The following NAA25 variants were observed in gnomAD, a reference collection of about 807,000 sequenced individuals.
NAA25 encodes the protein N-terminal acetyltransferase B complex subunit NAA25.
In NAA25, 30 loss-of-function variants were observed where a neutral mutation model predicts 132.5. The observed-to-expected ratio is 0.23, with a 90% CI of 0.17 to 0.31. The LOEUF (loss-of-function observed/expected upper bound fraction) is 0.31. NAA25 is among the 10% of genes least tolerant of loss of function. The probability of loss-of-function intolerance (pLI) is 1.00; values close to 1 mark genes in which losing one functional copy is unlikely to be tolerated. For synonymous variants in NAA25, 359 were observed against 401.9 expected (o/e 0.89, Z 1.28); for missense variants, 771 against 1,150.4 (o/e 0.67, Z 4.77).
At chr12:112,061,833 A>G (rs1238370628) in intron 11 of NAA25, among the ~76,000 whole-genome samples, 5 of 152,194 alleles carry the variant, frequency 3.3e-5, no homozygotes, top group Admixed American at 6.5e-5. Flanking sequence ...ACATGGAAAG[A>G]TACTGTTTAC....
In NAA25 at chr12:112,028,095, A is replaced by G. The variant is rs1172331054; in HGVS notation, c.*1436T>C. On this transcript the variant is annotated 3_prime_UTR_variant, in exon 24 of 24. Coordinates refer to ENST00000261745, the MANE Select transcript of NAA25 (RefSeq NM_024953.4). Reference sequence around the variant, plus strand: ...GGGACAAAATGCAATTACTTTGCGTACACAGATATTCCCAGCTCTCTTGGT... The same window carrying G: ...GGGACAAAATGCAATTACTTTGCGTGCACAGATATTCCCAGCTCTCTTGGT... 1 of 152,218 alleles carries G rather than the reference A, an allele frequency of 6.6e-6. No individual in the cohort carries two copies. The highest frequency in any genetic ancestry group is 1.5e-5 in the Non-Finnish European group (1 of 68,028). The allele number at this position is 152,218 out of a possible 1,614,324, so 9.4% of individuals were successfully genotyped here. A position where few individuals can be genotyped will look rare whatever the true frequency, so the allele number is the denominator to read the frequency against.
chr12:112,048,308 G>T lies in NAA25; in HGVS notation c.1864C>A (p.Leu622Ile). 6.2e-7 allele frequency: 1 copy of T among 1,612,460 alleles called. No homozygotes were observed. The highest frequency in any genetic ancestry group is 8.5e-7 in the Non-Finnish European group (1 of 1,179,034). ...VRTERMLLDL[L>I]LEANISTSLA... ...AATACTTACATATTTGCTTCAAGTAGAAGGTCTAACAGCATCCGTTCAGTA... is the reference window on the plus strand; with the variant it reads ...AATACTTACATATTTGCTTCAAGTATAAGGTCTAACAGCATCCGTTCAGTA... The change falls in exon 16 of 24, where the codon CTA becomes ATA. Residue 622 changes from leucine to isoleucine, a missense_variant. Transcript: ENST00000261745.
Position 112,043,708 on chromosome 12 carries a change from G to A in NAA25, c.2167C>T (p.Arg723Trp), listed in dbSNP as rs757690276. ...AGGAGCAAACGAAGAATATCAATCC[G>A]GGAGGATACCCCATTCTCGGCAGTC... is the stretch of plus-strand genomic sequence containing the variant. ...EKTAENGVSSRIDILRLLLQQ... is the reference protein window; with the variant it reads ...EKTAENGVSSWIDILRLLLQQ... Residue 723 changes from arginine (R) to tryptophan (W), a missense_variant, in exon 18 of 24, where the codon CGG becomes TGG. Arg to Trp is a moderately radical substitution (Grantham distance 101). This residue lies in a region of NAA25 where 324 missense variants were observed against 400.0 expected (regional missense o/e 0.81). Transcript: ENST00000261745. 3.0e-5 allele frequency: 49 copies of A among 1,613,998 alleles called. No homozygotes were observed. Among genetic ancestry groups the A allele is most frequent in the East Asian group, 1.1e-4 (5 of 44,896 alleles).
rs1478230049 is a variant in NAA25 at position 112,039,294 on chromosome 12, G to A, written c.2584C>T (p.Leu862=). 5.0e-6 allele frequency: 8 copies of A among 1,610,118 alleles called. No homozygotes were observed. The highest frequency in any genetic ancestry group is 5.9e-6 in the Non-Finnish European group (7 of 1,178,418). The change falls in exon 22 of 24, where the codon CTA becomes TTA. Residue 862 remains leucine (L), a synonymous_variant. Coordinates refer to ENST00000261745, the MANE Select transcript of NAA25 (RefSeq NM_024953.4). Reference sequence around the variant, plus strand: ...TGTAAATTTAGTTTGTATGGTCGTAGGACACTCTCACAGTAACTGGATACC... The same window carrying A: ...TGTAAATTTAGTTTGTATGGTCGTAAGACACTCTCACAGTAACTGGATACC... ...LWVSSYCESV[L]RPYKLNLQKK...
chr12:112,063,049 G>C (rs537327253), intron 11 of NAA25, among the ~76,000 whole-genome samples: 7 of 151,888 alleles, frequency 4.6e-5, no homozygotes, highest in Admixed American at 6.6e-5. Context: ...GACACAGCCA[G>C]ACCCTGTCTC....
At chr12:112,071,841 GC>G in intron 10 of NAA25, 53 bp downstream of exon 10, 1 of 1,127,874 alleles carries the variant, frequency 8.9e-7, no homozygotes, top group Non-Finnish European at 1.1e-6. Context: ...AATGAATATA[GC>G]ACTTGGGTAT....
At chr12:112,032,298 T>C (rs766661281) in intron 23 of NAA25, among the ~76,000 whole-genome samples, 2 of 152,152 alleles carry the variant, frequency 1.3e-5, no homozygotes, top group African/African-American at 2.4e-5. Flanking sequence ...TCTTTGGTAA[T>C]GTGAACTGCT....
Position 112,033,185 on chromosome 12 carries a change from T to A in NAA25, c.2796+48A>T, listed in dbSNP as rs374225169. On this transcript the variant is annotated intron_variant, in intron 23 of 23. Coordinates refer to ENST00000261745, the MANE Select transcript of NAA25 (RefSeq NM_024953.4). ...ATAAAGATGAGAGAGAGAGACAGAGTGTTTGTGTGTGTGTAGAAAACATTG... is the reference window on the plus strand; with the variant it reads ...ATAAAGATGAGAGAGAGAGACAGAGAGTTTGTGTGTGTGTAGAAAACATTG... 2.6e-6 allele frequency: 4 copies of A among 1,524,518 alleles called. No individual in the cohort carries two copies. The African/African-American group carries it at 5.6e-5, about 21-fold the overall frequency. The allele number at this position is 1,524,518 out of a possible 1,614,324, so 94.4% of individuals were successfully genotyped here. A position where few individuals can be genotyped will look rare whatever the true frequency, so the allele number is the denominator to read the frequency against.
At chr12:112,080,342 A>G (rs144066463) in intron 5 of NAA25, among the ~76,000 whole-genome samples, 2,995 of 150,716 alleles carry the variant, frequency 0.02, 51 homozygotes, top group Non-Finnish European at 0.026. Context: ...AATTGACAAC[A>G]CAAAGTCCCT....
At chr12:112,052,363 T>C (rs1300391084) in intron 15 of NAA25, among the ~76,000 whole-genome samples, 1 of 152,202 alleles carries the variant, frequency 6.6e-6, no homozygotes, top group Non-Finnish European at 1.5e-5. Flanking sequence ...GATCAGATGC[T>C]GTGCCACAAA....
At chr12:112,037,124 A>G (rs2078233899) in intron 22 of NAA25, among the ~76,000 whole-genome samples, 1 of 151,874 alleles carries the variant, frequency 6.6e-6, no homozygotes, top group South Asian at 2.1e-4. Flanking sequence ...TGATGAGGAC[A>G]TGTTAAAGGA....
At chr12:112,096,520 T>C (rs904111939) in intron 1 of NAA25, among the ~76,000 whole-genome samples, 1 of 152,172 alleles carries the variant, frequency 6.6e-6, no homozygotes, top group African/African-American at 2.4e-5. Flanking sequence ...TGAGCACCAA[T>C]AATGCTAGGT....
At chr12:112,050,855 C>T (rs1169262356) in intron 15 of NAA25, among the ~76,000 whole-genome samples, 1 of 152,098 alleles carries the variant, frequency 6.6e-6, no homozygotes, top group African/African-American at 2.4e-5. Context: ...CCTATGCAGA[C>T]CTTCCAAATA....
At chr12:112,096,441 A>G (rs2079213690) in intron 1 of NAA25, among the ~76,000 whole-genome samples, 1 of 152,218 alleles carries the variant, frequency 6.6e-6, no homozygotes, top group Admixed American at 6.5e-5. Flanking sequence ...TTTTTCTGCA[A>G]TTAACACTTA....
chr12:112,036,033 G>A (rs2136802765), intron 22 of NAA25, among the ~76,000 whole-genome samples: 1 of 152,142 alleles, frequency 6.6e-6, no homozygotes, highest in Admixed American at 6.6e-5. Flanking sequence ...GCAAACAAAA[G>A]ACCCCCATTG....
rs747486451 is a variant in NAA25, at chr12:112,078,759, AT to A, written c.478-19del. 2 of 1,589,118 alleles carry A rather than the reference AT, an allele frequency of 1.3e-6. No homozygotes were observed. Among genetic ancestry groups the A allele is most frequent in the Non-Finnish European group, 8.6e-7 (1 of 1,158,644 alleles). ...GATATAGACTGAAAGAAGAAAAATAATGTTTCATTCTAATTCTCCCCTGCTT... is the reference window on the plus strand; with the variant it reads ...GATATAGACTGAAAGAAGAAAAATAAGTTTCATTCTAATTCTCCCCTGCTT... On this transcript the variant is annotated intron_variant, in intron 5 of 23. Coordinates refer to ENST00000261745, the MANE Select transcript of NAA25 (RefSeq NM_024953.4).
At chr12:112,067,894 C>G (rs1446083518) in intron 11 of NAA25, among the ~76,000 whole-genome samples, 3 of 151,958 alleles carry the variant, frequency 2.0e-5, no homozygotes, top group Non-Finnish European at 4.4e-5. Context: ...CACCACCACA[C>G]CCAGCTAATT....
At chr12:112,057,166 C>A (rs2078559108) in intron 13 of NAA25, among the ~76,000 whole-genome samples, 1 of 151,836 alleles carries the variant, frequency 6.6e-6, no homozygotes. Context: ...CCAGCCCTGG[C>A]AACAGAGCGA....
At chr12:112,053,768 G>T (rs1240672890) in intron 14 of NAA25, 111 bp from the exon 15 acceptor site, 177 of 257,108 alleles carry the variant, frequency 6.9e-4, no homozygotes, top group East Asian at 1.6e-3. Context: ...CTAGGCATAA[G>T]AAAACACTAA....
Sources: gnomAD v4.1 joint callset for allele counts (sites outside exome capture counted in the v4.1 genomes callset) on GRCh38, gnomAD v4.1.1 for gene constraint, gnomAD v4.1.1 regional missense constraint, MANE v1.5 for transcripts, NCBI Gene and HGNC (gene_info 2026-07-23, HGNC 2026-07-21) for gene names.